Variants in SULF2 observed in about 807,000 individuals in gnomAD.
SULF2 encodes sulfatase 2.
In SULF2, 52 loss-of-function variants were observed where a neutral mutation model predicts 107.7. That is an observed-to-expected ratio of 0.48 (90% confidence interval 0.39 to 0.61). The LOEUF (loss-of-function observed/expected upper bound fraction) is 0.61, where lower values mean the gene tolerates loss of function less well. Ranked by LOEUF, SULF2 falls within the 20% of genes least tolerant of loss-of-function variation. SULF2 has a pLI of 0.00. For synonymous variants in SULF2, 460 were observed against 464.3 expected (o/e 0.99, Z 0.12); for missense variants, 993 against 1,177.3 (o/e 0.84, Z 2.29).
chr20:47,741,300 C>T (rs775080199), intron 2 of SULF2, among the ~76,000 whole-genome samples: 45 of 149,694 alleles, frequency 3.0e-4, no homozygotes, highest in Non-Finnish European at 5.8e-4. Flanking sequence ...CCTGCTCTGT[C>T]CACAGACTGA....
At position 47,666,372 on chromosome 20, in the gene SULF2, G is replaced by C. The variant is rs1051423332; in HGVS notation, c.1693C>G (p.Arg565Gly). The change falls in exon 12 of 21, where the codon CGG becomes GGG. Residue 565 changes from arginine to glycine, a missense_variant. Arg to Gly is a moderately radical substitution (Grantham distance 125). Coordinates refer to ENST00000688720, the MANE Select transcript of SULF2 (RefSeq NM_001387048.1). The surrounding 1 kb of genome is among the most constrained non-coding windows in gnomAD (Gnocchi z 5.4). The stretch of plus-strand genomic sequence containing the variant: ...TCCTCAGGGGCCCCTGGCCAGTGCC[G>C]CTTGGTGAGGTTTCGGGGCTGGGCG... ...DAAQPRNLTKRHWPGAPEDQD... is the reference protein window; with the variant it reads ...DAAQPRNLTKGHWPGAPEDQD... 1.9e-6 allele frequency: 3 copies of C among 1,613,958 alleles called. No homozygotes were observed. The highest frequency in any genetic ancestry group is 2.5e-6 in the Non-Finnish European group (3 of 1,180,040).
At chr20:47,747,755 G>GC (rs975028206) in intron 2 of SULF2, among the ~76,000 whole-genome samples, 24 of 150,478 alleles carry the variant, frequency 1.6e-4, no homozygotes, top group African/African-American at 5.9e-4. Context: ...TGTTCCTCCT[G>GC]CCCCCGCCTT....
chr20:47,677,197 C>T (rs1377277166), intron 8 of SULF2, 63 bp from the exon 9 acceptor site: 1 of 1,583,772 alleles, frequency 6.3e-7, no homozygotes, highest in Non-Finnish European at 8.7e-7. Context: ...CCCCCGTTCC[C>T]CCAGGAGCAG....
intron 3 of SULF2, among the ~76,000 whole-genome samples, chr20:47,708,069 C>T (rs896235715): frequency 1.3e-5 from 2 of 152,272 alleles, no homozygotes; most frequent in Admixed American, 1.3e-4. Context: ...GATTAAACAC[C>T]TACGGTATGC....
Position 47,746,030 on chromosome 20 carries a change from G to A in SULF2, c.176-9088C>T, listed in dbSNP as rs149997412. On this transcript the variant is annotated intron_variant, in intron 2 of 20. Transcript: ENST00000688720. ...CTTTGCTTGAAAAATGCAAAGACCT[G>A]GCTTTGATGGGCCCACAGTGGGCTG... Among the ~76,000 whole-genome samples, 919 of 152,318 alleles carry A rather than the reference G, an allele frequency of 6.0e-3. 6 individuals carry two copies. The highest frequency in any genetic ancestry group is 0.01 in the Non-Finnish European group (704 of 68,024).
At chr20:47,705,739 T>C (rs955646034) in intron 3 of SULF2, among the ~76,000 whole-genome samples, 5 of 151,948 alleles carry the variant, frequency 3.3e-5, no homozygotes, top group Non-Finnish European at 5.9e-5. Flanking sequence ...GCCCCCACGC[T>C]ACAAAGACTG....
chr20:47,687,360 T>C (rs1039349970), intron 5 of SULF2, among the ~76,000 whole-genome samples: 2 of 152,126 alleles, frequency 1.3e-5, no homozygotes, highest in Non-Finnish European at 2.9e-5. Context: ...TCAACAAACA[T>C]CTGAAAACTT....
At position 47,674,329 on chromosome 20, in the gene SULF2, G is replaced by A. The variant is rs528596250; in HGVS notation, c.1381-1936C>T. Among the ~76,000 whole-genome samples, 475 of 152,312 alleles carry A rather than the reference G, an allele frequency of 3.1e-3. 2 individuals carry two copies. Among genetic ancestry groups the A allele is most frequent in the African/African-American group, 0.011 (455 of 41,560 alleles). ...TGGGGTCCCTACAGCTGCTGAGAAC[G>A]AAGGTCCCGCAGCCCAACTACCTGG... On this transcript the variant is annotated intron_variant, in intron 10 of 20. Coordinates refer to ENST00000688720, the MANE Select transcript of SULF2 (RefSeq NM_001387048.1).
intron 1 of SULF2, among the ~76,000 whole-genome samples, chr20:47,778,061 A>G (rs2090756397): frequency 1.3e-5 from 2 of 151,788 alleles, no homozygotes; most frequent in African/African-American, 4.8e-5. Flanking sequence ...GAATCACTTG[A>G]GCTTGGGAGG....
At chr20:47,710,118 C>T (rs1452823652) in intron 3 of SULF2, among the ~76,000 whole-genome samples, 3 of 151,966 alleles carry the variant, frequency 2.0e-5, no homozygotes, top group Non-Finnish European at 4.4e-5. Context: ...GCCAGGCTGG[C>T]CTTGAACTCC....
intron 1 of SULF2, among the ~76,000 whole-genome samples, chr20:47,766,063 T>C (rs2090522630): frequency 6.6e-6 from 1 of 152,140 alleles, no homozygotes; most frequent in South Asian, 2.1e-4. Flanking sequence ...AGAAACAGTT[T>C]GGGCAAAGAG....
At chr20:47,671,691 C>A (rs1450018625) in intron 11 of SULF2, among the ~76,000 whole-genome samples, 1 of 152,092 alleles carries the variant, frequency 6.6e-6, no homozygotes, top group African/African-American at 2.4e-5. Flanking sequence ...TTTCACCAGC[C>A]AATCAATACA....
chr20:47,676,436 G>T, intron 10 of SULF2, 58 bp downstream of exon 10: 1 of 1,578,080 alleles, frequency 6.3e-7, no homozygotes, highest in Non-Finnish European at 8.6e-7. Context: ...AGCCTCGCAG[G>T]TCAGGGCCGG....
In SULF2 at chr20:47,757,382, T is replaced by C; in HGVS notation, c.-19A>G. The C allele has an allele frequency of 2.6e-6, 4 of 1,562,576 alleles. No homozygotes were observed. Among genetic ancestry groups the C allele is most frequent in the Non-Finnish European group, 3.5e-6 (4 of 1,149,038 alleles). On this transcript the variant is annotated 5_prime_UTR_variant, in exon 2 of 21. Coordinates refer to ENST00000688720, the MANE Select transcript of SULF2 (RefSeq NM_001387048.1). ...GGCCCATCTTCTTTTTTTGCTGATC[T>C]GGTGCTTCTTTTGGGATGCGGGAGT...
At chr20:47,659,587 G>T in intron 19 of SULF2, 110 bp downstream of exon 19, 2 of 1,363,042 alleles carry the variant, frequency 1.5e-6, no homozygotes, top group Non-Finnish European at 2.1e-6. Context: ...GGGCAGACCA[G>T]AGGGAAGGGC....
chr20:47,730,640 G>A (rs769655637), intron 3 of SULF2, among the ~76,000 whole-genome samples: 3 of 152,040 alleles, frequency 2.0e-5, no homozygotes, highest in Admixed American at 6.5e-5. Context: ...TAGTAGAGAC[G>A]GGTTTCACTA....
chr20:47,716,242 G>A (rs985372787), intron 3 of SULF2, among the ~76,000 whole-genome samples: 1 of 152,180 alleles, frequency 6.6e-6, no homozygotes, highest in Non-Finnish European at 1.5e-5. Context: ...CTACTTGTTA[G>A]CATACATTTA....
intron 1 of SULF2, among the ~76,000 whole-genome samples, chr20:47,769,709 A>G (rs1003250124): frequency 6.6e-6 from 1 of 152,218 alleles, no homozygotes; most frequent in African/African-American, 2.4e-5. Flanking sequence ...TTCATGGATC[A>G]GACACCAAAA....
chr20:47,724,766 A>G (rs1047158374), intron 3 of SULF2, among the ~76,000 whole-genome samples: 1 of 152,122 alleles, frequency 6.6e-6, no homozygotes. Context: ...AAGGCCTGTC[A>G]CTCAATGGAT....
Sources: gnomAD v4.1 joint callset for allele counts (sites outside exome capture counted in the v4.1 genomes callset) on GRCh38, gnomAD v4.1.1 for gene constraint, Gnocchi (gnomAD v3.1) non-coding constraint, MANE v1.5 for transcripts, NCBI Gene and HGNC (gene_info 2026-07-23, HGNC 2026-07-21) for gene names.